The following TLN2 variants were observed in gnomAD, a reference collection of about 807,000 sequenced individuals.
TLN2 encodes the protein talin 2, also known as talin-2.
TLN2 carries 118 observed loss-of-function variants against 294.7 expected under a neutral mutation model. The observed-to-expected ratio is 0.40, with a 90% CI of 0.34 to 0.47. The LOEUF (loss-of-function observed/expected upper bound fraction) is 0.47, where lower values mean the gene tolerates loss of function less well. TLN2 is among the 20% of genes least tolerant of loss of function. TLN2 has a pLI of 0.84. For missense variants in TLN2, 3,083 were observed against 3,282.2 expected, an observed-to-expected ratio of 0.94 and a Z score of 1.48; for synonymous variants, 1,431 against 1,304.5, an observed-to-expected ratio of 1.10 and a Z score of -2.09.
intron 42 of TLN2, among the ~76,000 whole-genome samples, chr15:62,772,449 G>A (rs915811625): frequency 1.3e-5 from 2 of 152,040 alleles, no homozygotes; most frequent in East Asian, 1.9e-4. Flanking sequence ...TTTTGACTGC[G>A]ATGGAGAAAC....
chr15:62,427,545 G>A (rs2034782827), intron 1 of TLN2, among the ~76,000 whole-genome samples: 1 of 152,106 alleles, frequency 6.6e-6, no homozygotes, highest in Admixed American at 6.5e-5. Flanking sequence ...GCAGGATTTA[G>A]CCATGTTTAC....
rs2042224467 is a variant in TLN2 at position 62,550,299 on chromosome 15, CA to C, written c.-237-39387del. On this transcript the variant is annotated intron_variant, in intron 1 of 58. Coordinates refer to ENST00000636159, the MANE Select transcript of TLN2 (RefSeq NM_015059.3). ...GCAGAGATGAGCTAAAACATATTTA[CA>C]GGGGGGAAAATACCTCTCGGAATAA... Among the ~76,000 whole-genome samples the C allele has an allele frequency of 2.0e-5, 3 of 152,026 alleles. No individual in the cohort carries two copies. The South Asian group carries it at 6.2e-4, about 32-fold the overall frequency.
intron 2 of TLN2, among the ~76,000 whole-genome samples, chr15:62,594,927 A>G (rs2046359751): frequency 6.6e-6 from 1 of 152,236 alleles, no homozygotes; most frequent in South Asian, 2.1e-4. Flanking sequence ...TATGCAAAAT[A>G]TATGAAGAAC....
intron 46 of TLN2, among the ~76,000 whole-genome samples, chr15:62,793,714 T>C (rs1372187756): frequency 6.6e-6 from 1 of 152,062 alleles, no homozygotes; most frequent in African/African-American, 2.4e-5. Flanking sequence ...GGAATCATTT[T>C]TCAGGTCAGC....
At chr15:62,833,761 C>A in intron 55 of TLN2, 132 bp downstream of exon 55, 1 of 1,330,608 alleles carries the variant, frequency 7.5e-7, no homozygotes, top group Non-Finnish European at 1.0e-6. Context: ...AATTGCCACT[C>A]TCTGTGCTGA....
intron 2 of TLN2, among the ~76,000 whole-genome samples, chr15:62,609,973 C>G (rs920871250): frequency 6.6e-6 from 1 of 152,230 alleles, no homozygotes; most frequent in Non-Finnish European, 1.5e-5. Flanking sequence ...TATGTGCTTT[C>G]AATCCATCTC....
Position 62,840,563 on chromosome 15 carries a change from C to G in TLN2, c.7582C>G (p.Gln2528Glu). The G allele has an allele frequency of 6.2e-7, 1 of 1,614,172 alleles. No homozygotes were observed. The highest frequency in any genetic ancestry group is 8.5e-7 in the Non-Finnish European group (1 of 1,180,030). Residue 2528 changes from glutamine (Q) to glutamate (E), a missense_variant, in exon 59 of 59, where the codon CAG becomes GAG. By Grantham distance (29) the Gln-to-Glu change is conservative. Transcript: ENST00000636159. ...GAAAAAACTGGCCCAAATCCGCCAG[C>G]AGCAGTATAAGTTTTTACCCACCGA... ...ARKKLAQIRQ[Q>E]QYKFLPTELR...
intron 1 of TLN2, among the ~76,000 whole-genome samples, chr15:62,574,401 C>G (rs1029513320): frequency 6.6e-6 from 1 of 151,244 alleles, no homozygotes; most frequent in Admixed American, 6.6e-5. Flanking sequence ...CATAGCTAGA[C>G]CCCGCCTCTT....
chr15:62,671,084 T>C (rs1348688468), intron 9 of TLN2, among the ~76,000 whole-genome samples: 6 of 152,234 alleles, frequency 3.9e-5, no homozygotes, highest in Non-Finnish European at 8.8e-5. Context: ...GTATCTCTTC[T>C]TTGGAGAAAT....
chr15:62,655,885 T>A lies in TLN2; in HGVS notation c.518-59T>A, dbSNP rs995582572. 6.9e-6 allele frequency: 11 copies of A among 1,595,580 alleles called. No homozygotes were observed. The African/African-American group carries it at 1.5e-4, about 21-fold the overall frequency. ...GCATCACACTGCTCTTTTGGTAAAT[T>A]CCCTTTAATTAACAGGAAAAATAAA... is the stretch of plus-strand genomic sequence containing the variant. On this transcript the variant is annotated intron_variant, in intron 7 of 58. Coordinates refer to ENST00000636159, the MANE Select transcript of TLN2 (RefSeq NM_015059.3).
intron 1 of TLN2, among the ~76,000 whole-genome samples, chr15:62,533,178 C>T (rs1045811891): frequency 2.8e-5 from 4 of 142,692 alleles, no homozygotes; most frequent in South Asian, 2.2e-4. Flanking sequence ...CGCTTGAACC[C>T]GGGAGGCAGA....
chr15:62,710,136 C>T (rs922005463), intron 21 of TLN2, among the ~76,000 whole-genome samples: 8 of 152,116 alleles, frequency 5.3e-5, no homozygotes, highest in Non-Finnish European at 8.8e-5. Context: ...TTTTAATGGA[C>T]ATTTAGTTTT....
chr15:62,391,435 G>C (rs2032077813), intron 1 of TLN2, among the ~76,000 whole-genome samples: 1 of 152,266 alleles, frequency 6.6e-6, no homozygotes, highest in Non-Finnish European at 1.5e-5. Context: ...GGTCCCACGA[G>C]CTGAAATTTT....
intron 1 of TLN2, among the ~76,000 whole-genome samples, chr15:62,393,658 G>A (rs2456471): frequency 0.33 from 50,102 of 151,944 alleles, 8,820 homozygotes; most frequent in East Asian, 0.62. Context: ...GCATTTTAGC[G>A]TTATGCTTTG....
intron 1 of TLN2, among the ~76,000 whole-genome samples, chr15:62,473,800 G>A (rs1440890727): frequency 6.6e-6 from 1 of 152,200 alleles, no homozygotes; most frequent in East Asian, 1.9e-4. Context: ...CATTTACAAA[G>A]GAGTTGTACA....
At chr15:62,455,243 C>A (rs534410331) in intron 1 of TLN2, among the ~76,000 whole-genome samples, 2 of 152,114 alleles carry the variant, frequency 1.3e-5, no homozygotes, top group Admixed American at 1.3e-4. Context: ...AGCAATATTG[C>A]AGTTTCCAGG....
intron 37 of TLN2, 104 bp from the exon 38 acceptor site, chr15:62,761,577 G>A (rs1595903407): frequency 1.3e-6 from 2 of 1,501,238 alleles, no homozygotes; most frequent in Non-Finnish European, 1.8e-6. Context: ...GAGATTTTCA[G>A]TGTTCCGGTT....
At chr15:62,543,645 C>T (rs996782838) in intron 1 of TLN2, among the ~76,000 whole-genome samples, 9 of 151,556 alleles carry the variant, frequency 5.9e-5, no homozygotes, top group African/African-American at 1.9e-4. Flanking sequence ...GTCCCAGCTA[C>T]TGGGGAGGCT....
chr15:62,429,807 C>T, intron 1 of TLN2, among the ~76,000 whole-genome samples: 1 of 152,144 alleles, frequency 6.6e-6, no homozygotes, highest in East Asian at 1.9e-4. Flanking sequence ...GTGTTTGCAT[C>T]TCTGTGTAGT....
Sources: allele counts gnomAD v4.1 joint callset (sites outside exome capture counted in the v4.1 genomes callset), GRCh38; gene constraint gnomAD v4.1.1; transcripts MANE v1.5; gene names NCBI Gene and HGNC (gene_info 2026-07-23, HGNC 2026-07-21).